The following CAMTA1 variants were observed in gnomAD, a reference collection of about 807,000 sequenced individuals.
CAMTA1 encodes calmodulin binding transcription activator 1, also known as calmodulin-binding transcription activator 1.
In CAMTA1, 27 loss-of-function variants were observed where a neutral mutation model predicts 170.9. The observed-to-expected ratio is 0.16, with a 90% CI of 0.12 to 0.22. The LOEUF (loss-of-function observed/expected upper bound fraction) is 0.22, where lower values mean the gene tolerates loss of function less well. CAMTA1 is among the 10% of genes least tolerant of loss of function. The probability of loss-of-function intolerance (pLI) is 1.00; values close to 1 mark genes in which losing one functional copy is unlikely to be tolerated. For missense variants in CAMTA1, 1,619 were observed against 2,217.2 expected, an observed-to-expected ratio of 0.73 and a Z score of 5.42; for synonymous variants, 833 against 891.5, an observed-to-expected ratio of 0.93 and a Z score of 1.17.
chr1:7,647,503 G>A (rs562621405), intron 7 of CAMTA1, among the ~76,000 whole-genome samples: 36 of 152,272 alleles, frequency 2.4e-4, no homozygotes, highest in Non-Finnish European at 4.4e-4. Flanking sequence ...GCTTGCAGGC[G>A]GGGGCCTGTC....
intron 4 of CAMTA1, among the ~76,000 whole-genome samples, chr1:7,231,327 A>ATGTG (rs745744631): frequency 0.016 from 2,252 of 141,934 alleles, 61 homozygotes; most frequent in African/African-American, 0.056. Context: ...TACTGGCTTA[A>ATGTG]TGTGTGTGTG....
intron 5 of CAMTA1, among the ~76,000 whole-genome samples, chr1:7,343,141 T>C (rs986781325): frequency 1.3e-4 from 20 of 152,216 alleles, no homozygotes; most frequent in African/African-American, 4.8e-4. Context: ...CCCCAAACTT[T>C]CCTTTCAGGA....
At chr1:6,879,825 C>T (rs566340148) in intron 3 of CAMTA1, among the ~76,000 whole-genome samples, 17 of 147,866 alleles carry the variant, frequency 1.1e-4, no homozygotes, top group African/African-American at 3.7e-4. Context: ...GAGACGGAGT[C>T]TCTGTTGCCC....
intron 5 of CAMTA1, among the ~76,000 whole-genome samples, chr1:7,292,497 T>C (rs953587589): frequency 9.2e-5 from 14 of 152,192 alleles, no homozygotes; most frequent in Non-Finnish European, 2.1e-4. Context: ...AGCCTCGCCA[T>C]TCATCCTGAA....
rs373950456 is a variant in CAMTA1, at chr1:7,282,765, CTG to C, written c.438+33141_438+33142del. Among the ~76,000 whole-genome samples the C allele has an allele frequency of 7.9e-4, 121 of 152,202 alleles. 6 individuals are homozygous for C. In the South Asian group the frequency reaches 0.024, roughly 30 times the overall value. On this transcript the variant is annotated intron_variant, in intron 5 of 22. Coordinates refer to ENST00000303635, the MANE Select transcript of CAMTA1 (RefSeq NM_015215.4). Reference sequence around the variant, plus strand: ...GGGGGTGGCAGTGGGATAGAGGTGACTGTATTTACACAACACTGGGGGACAGA... The same window carrying C: ...GGGGGTGGCAGTGGGATAGAGGTGACTATTTACACAACACTGGGGGACAGA...
intron 6 of CAMTA1, among the ~76,000 whole-genome samples, chr1:7,578,771 C>T (rs997963353): frequency 5.3e-5 from 8 of 152,114 alleles, no homozygotes; most frequent in South Asian, 2.1e-4. Flanking sequence ...GGAGGCACTA[C>T]GTGGCAAGAG....
At chr1:7,458,568 C>T (rs1557749554) in intron 5 of CAMTA1, among the ~76,000 whole-genome samples, 1 of 152,216 alleles carries the variant, frequency 6.6e-6, no homozygotes, top group Non-Finnish European at 1.5e-5. Flanking sequence ...CCTTCCCGCC[C>T]CTGCCCAGAG....
rs553854379 is a variant in CAMTA1 at position 7,049,062 on chromosome 1, A to C, written c.235-42242A>C. On this transcript the variant is annotated intron_variant, in intron 3 of 22. Transcript: ENST00000303635. ...AGTTCCCTGATACGGTACATGAGGA[A>C]AATGCTGCTGAACGTCAGCTAGTTA... 2.0e-5 allele frequency among the ~76,000 whole-genome samples: 3 copies of C among 152,362 alleles called. No homozygotes were observed. In the South Asian group the frequency reaches 6.2e-4, roughly 32 times the overall value.
chr1:6,922,414 G>T (rs529135607), intron 3 of CAMTA1, among the ~76,000 whole-genome samples: 92 of 152,264 alleles, frequency 6.0e-4, no homozygotes, highest in African/African-American at 2.1e-3. Flanking sequence ...CTTCACTTGG[G>T]GTCTCAGTGC....
intron 5 of CAMTA1, among the ~76,000 whole-genome samples, chr1:7,351,157 A>G (rs990947561): frequency 6.6e-5 from 10 of 152,382 alleles, no homozygotes; most frequent in Admixed American, 5.9e-4. Context: ...AGACAGGGCC[A>G]TCTGCCAAAG....
intron 5 of CAMTA1, among the ~76,000 whole-genome samples, chr1:7,374,293 T>C (rs1341872820): frequency 3.3e-5 from 5 of 152,270 alleles, no homozygotes; most frequent in Admixed American, 3.3e-4. Flanking sequence ...ATGCCTGCTC[T>C]TGTTTTCTCC....
intron 3 of CAMTA1, among the ~76,000 whole-genome samples, chr1:6,924,079 C>T (rs369869147): frequency 1.7e-4 from 26 of 152,308 alleles, no homozygotes; most frequent in African/African-American, 4.6e-4. Flanking sequence ...CTGTTAGGAA[C>T]GCAGGCTGAG....
chr1:7,462,966 G>A (rs946092748), intron 5 of CAMTA1, among the ~76,000 whole-genome samples: 13 of 152,342 alleles, frequency 8.5e-5, no homozygotes, highest in Admixed American at 6.5e-5. Flanking sequence ...CCACTGGGTC[G>A]GGGGCTCCTG....
At chr1:6,988,594 T>TC (rs1034423497) in intron 3 of CAMTA1, among the ~76,000 whole-genome samples, 4 of 151,784 alleles carry the variant, frequency 2.6e-5, no homozygotes, top group East Asian at 1.9e-4. Flanking sequence ...CCTTTTGGAT[T>TC]CCCCCCCACC....
intron 4 of CAMTA1, among the ~76,000 whole-genome samples, chr1:7,230,211 C>T (rs1662480310): frequency 6.6e-6 from 1 of 152,108 alleles, no homozygotes; most frequent in African/African-American, 2.4e-5. Flanking sequence ...CACAGCTGCG[C>T]TTTTGGTTGC....
chr1:7,054,271 C>G (rs1378490576), intron 3 of CAMTA1, among the ~76,000 whole-genome samples: 1 of 152,196 alleles, frequency 6.6e-6, no homozygotes. Flanking sequence ...TGTCCTCCCC[C>G]ACAAGGAAGG....
rs1007437234 is a variant in CAMTA1 at position 7,286,934 on chromosome 1, C to G, written c.438+37308C>G. 1.3e-5 allele frequency among the ~76,000 whole-genome samples: 2 copies of G among 152,186 alleles called. No individual in the cohort carries two copies. The highest frequency in any genetic ancestry group is 1.3e-4 in the Admixed American group (2 of 15,270). On this transcript the variant is annotated intron_variant, in intron 5 of 22. Transcript: ENST00000303635. The surrounding 1 kb of genome is among the most constrained non-coding windows in gnomAD (Gnocchi z 4.2). ...CAGTGCCTTCCATCGACTTGACACT[C>G]AGTAAACAGAAGCTGGAGCTACTCT...
chr1:7,283,141 C>T (rs541534506), intron 5 of CAMTA1, among the ~76,000 whole-genome samples: 4 of 152,296 alleles, frequency 2.6e-5, no homozygotes, highest in African/African-American at 9.6e-5. Flanking sequence ...TCTCTAACCT[C>T]ACCGCTGCAG....
intron 3 of CAMTA1, among the ~76,000 whole-genome samples, chr1:6,964,017 G>C: frequency 6.6e-6 from 1 of 152,114 alleles, no homozygotes; most frequent in East Asian, 1.9e-4. Context: ...CTGGGTGCCT[G>C]GTTAGGGGTA....
Sources: gnomAD v4.1 joint callset for allele counts (sites outside exome capture counted in the v4.1 genomes callset) on GRCh38, gnomAD v4.1.1 for gene constraint, Gnocchi (gnomAD v3.1) non-coding constraint, MANE v1.5 for transcripts, NCBI Gene and HGNC (gene_info 2026-07-23, HGNC 2026-07-21) for gene names.